Variants in ITGBL1 observed in about 807,000 individuals in gnomAD.
ITGBL1 encodes integrin subunit beta like 1, also known as integrin beta-like protein 1.
Under a neutral mutation model 68.5 loss-of-function variants are expected in ITGBL1, and 51 were observed. The ratio of observed to expected loss-of-function variants is 0.74; its 90% CI spans 0.59 to 0.94. The LOEUF is 0.94. Among genes scored for constraint, ITGBL1 ranks in the 40% least tolerant of loss-of-function variants. The probability of loss-of-function intolerance (pLI) is 0.00; values close to 1 mark genes in which losing one functional copy is unlikely to be tolerated. For synonymous variants in ITGBL1, 209 were observed against 227.3 expected (o/e 0.92, Z 0.72); for missense variants, 649 against 647.4 (o/e 1.00, Z -0.03).
chr13:101,698,104 C>T (rs1392750626), intron 8 of ITGBL1, among the ~76,000 whole-genome samples: 1 of 152,172 alleles, frequency 6.6e-6, no homozygotes, highest in African/African-American at 2.4e-5. Context: ...GAGAGTCACT[C>T]ATTTTGGTAA....
At chr13:101,666,206 C>T (rs117774660) in intron 7 of ITGBL1, among the ~76,000 whole-genome samples, 38 of 152,198 alleles carry the variant, frequency 2.5e-4, no homozygotes, top group South Asian at 1.5e-3. Flanking sequence ...CTGGAACAGC[C>T]GGGCAGCCCC....
intron 7 of ITGBL1, among the ~76,000 whole-genome samples, chr13:101,680,323 T>C (rs960027297): frequency 6.6e-6 from 1 of 152,206 alleles, no homozygotes; most frequent in African/African-American, 2.4e-5. Context: ...AAGGACTATG[T>C]TAGTAAAGTG....
At chr13:101,529,359 C>T (rs529263725) in intron 2 of ITGBL1, among the ~76,000 whole-genome samples, 5 of 152,114 alleles carry the variant, frequency 3.3e-5, no homozygotes, top group African/African-American at 4.8e-5. Context: ...TTTCAAACTA[C>T]GTGTTGAAAC....
intron 9 of ITGBL1, chr13:101,713,419 C>A (rs1036147042): frequency 1.3e-5 from 2 of 152,142 alleles, no homozygotes; most frequent in Non-Finnish European, 2.9e-5. Flanking sequence ...TTCAACTGCA[C>A]ATTTTTTCAA....
At chr13:101,557,385 A>G (rs188154413) in intron 2 of ITGBL1, among the ~76,000 whole-genome samples, 1 of 152,242 alleles carries the variant, frequency 6.6e-6, no homozygotes, top group Non-Finnish European at 1.5e-5. Flanking sequence ...ACACACATAT[A>G]TGCACATATA....
At position 101,544,268 on chromosome 13, in the gene ITGBL1, A is replaced by G. The variant is rs147631253; in HGVS notation, c.317-23431A>G. Among the ~76,000 whole-genome samples, 931 of 152,200 alleles carry G rather than the reference A, an allele frequency of 6.1e-3. 12 individuals carry two copies. Among genetic ancestry groups the G allele is most frequent in the African/African-American group, 0.021 (872 of 41,516 alleles). The stretch of plus-strand genomic sequence containing the variant: ...CTTTCTGTTTGTTAGTTTTCCTTCT[A>G]ACAGTCAGGACCCTCAGCTGCAGGT... On this transcript the variant is annotated intron_variant, in intron 2 of 10. Transcript: ENST00000376180.
At chr13:101,593,520 A>G (rs1225501347) in intron 6 of ITGBL1, among the ~76,000 whole-genome samples, 2 of 152,110 alleles carry the variant, frequency 1.3e-5, no homozygotes, top group African/African-American at 2.4e-5. Flanking sequence ...GAATCAACCC[A>G]AGTGGCCATT....
At chr13:101,596,218 A>G (rs2029959537) in intron 6 of ITGBL1, among the ~76,000 whole-genome samples, 2 of 152,148 alleles carry the variant, frequency 1.3e-5, no homozygotes, top group Admixed American at 1.3e-4. Flanking sequence ...TCTCACTCAT[A>G]TGTGGAATCT....
At position 101,507,891 on chromosome 13, in the gene ITGBL1, C is replaced by T. The variant is rs1406916990; in HGVS notation, c.316+53791C>T. On this transcript the variant is annotated intron_variant, in intron 2 of 10. Transcript: ENST00000376180. ...TAGATTGTACATAGGGCATTGCTCG[C>T]AAGGGAGTATGGGAATGTAGTTTTT... Among the ~76,000 whole-genome samples the T allele has an allele frequency of 6.6e-5, 10 of 152,142 alleles. No individual in the cohort carries two copies. In the South Asian group the frequency reaches 1.7e-3, roughly 25 times the overall value.
At chr13:101,606,693 A>G (rs2030881883) in intron 7 of ITGBL1, among the ~76,000 whole-genome samples, 2 of 152,134 alleles carry the variant, frequency 1.3e-5, no homozygotes, top group East Asian at 1.9e-4. Flanking sequence ...CTCAGGCAGG[A>G]GGATTTGCAG....
intron 2 of ITGBL1, among the ~76,000 whole-genome samples, chr13:101,553,479 AT>A (rs1446018304): frequency 6.6e-6 from 1 of 152,132 alleles, no homozygotes; most frequent in African/African-American, 2.4e-5. Context: ...TTTTCCTACA[AT>A]TTTTGAAGAC....
chr13:101,543,249 C>T (rs2049746075), intron 2 of ITGBL1, among the ~76,000 whole-genome samples: 2 of 152,098 alleles, frequency 1.3e-5, no homozygotes, highest in South Asian at 4.2e-4. Flanking sequence ...TTAGGGCAGG[C>T]CTGGTGGTGA....
chr13:101,543,838 A>T (rs2049761367), intron 2 of ITGBL1, among the ~76,000 whole-genome samples: 1 of 152,256 alleles, frequency 6.6e-6, no homozygotes, highest in Non-Finnish European at 1.5e-5. Context: ...CTTCCAGTTG[A>T]TCAAATCGGC....
Position 101,692,681 on chromosome 13 carries a change from T to C in ITGBL1, c.1112T>C (p.Leu371Pro). The change falls in exon 8 of 11, where the codon CTC (leucine) becomes CCC (proline). Residue 371 changes from leucine to proline, a missense_variant. Leu to Pro is a moderately conservative substitution (Grantham distance 98). Transcript: ENST00000376180. The part of the protein sequence containing the change: ...CECDDRRCED[L>P]DGVVCGGHGT... ...TGTGATGATCGCCGCTGTGAAGACC[T>C]CGATGGTGTGGTCTGTGGAGGTAGT... is the stretch of plus-strand genomic sequence containing the variant. 6.2e-7 allele frequency: 1 copy of C among 1,612,286 alleles called. No homozygotes were observed. Among genetic ancestry groups the C allele is most frequent in the Non-Finnish European group, 8.5e-7 (1 of 1,178,390 alleles).
chr13:101,466,633 G>A (rs752694435), intron 2 of ITGBL1, among the ~76,000 whole-genome samples: 2 of 152,052 alleles, frequency 1.3e-5, no homozygotes, highest in South Asian at 2.1e-4. Flanking sequence ...ATGATTTCAC[G>A]TGTTTTCTTA....
intron 2 of ITGBL1, among the ~76,000 whole-genome samples, chr13:101,486,239 G>A (rs1410490432): frequency 6.6e-6 from 1 of 152,128 alleles, no homozygotes; most frequent in Non-Finnish European, 1.5e-5. Flanking sequence ...AGTAACTGAG[G>A]AATCAAAAAC....
intron 2 of ITGBL1, among the ~76,000 whole-genome samples, chr13:101,564,346 A>G (rs2050147141): frequency 6.6e-6 from 1 of 151,954 alleles, no homozygotes; most frequent in African/African-American, 2.4e-5. Flanking sequence ...TATTAAAGAA[A>G]AAACTTGATA....
intron 2 of ITGBL1, among the ~76,000 whole-genome samples, chr13:101,467,581 G>A (rs1594826974): frequency 1.3e-5 from 2 of 152,266 alleles, no homozygotes; most frequent in African/African-American, 4.8e-5. Flanking sequence ...TTTTGTAATA[G>A]AAGTCATTCT....
intron 7 of ITGBL1, among the ~76,000 whole-genome samples, chr13:101,600,379 G>T (rs899298925): frequency 2.0e-5 from 3 of 152,192 alleles, no homozygotes; most frequent in African/African-American, 7.2e-5. Flanking sequence ...CATGTCATCT[G>T]CAAACAGGGA....
Sources: gnomAD v4.1 joint callset for allele counts (sites outside exome capture counted in the v4.1 genomes callset) on GRCh38, gnomAD v4.1.1 for gene constraint, MANE v1.5 for transcripts, NCBI Gene and HGNC (gene_info 2026-07-23, HGNC 2026-07-21) for gene names.